ABHD17C: variants seen among roughly 807,000 people sequenced by gnomAD.
ABHD17C encodes alpha/beta hydrolase domain-containing protein 17C.
In ABHD17C, 11 loss-of-function variants were observed where a neutral mutation model predicts 27.9. The ratio of observed to expected loss-of-function variants is 0.39; its 90% CI spans 0.25 to 0.65. The LOEUF (loss-of-function observed/expected upper bound fraction) is 0.65, where lower values mean the gene tolerates loss of function less well. Ranked by LOEUF, ABHD17C falls within the 30% of genes least tolerant of loss-of-function variation. The probability of loss-of-function intolerance (pLI) is 0.45; values close to 1 mark genes in which losing one functional copy is unlikely to be tolerated. For missense variants in ABHD17C, 280 were observed against 470.2 expected (o/e 0.60, Z 3.74); for synonymous variants, 233 against 209.1 (o/e 1.11, Z -0.98).
At chr15:80,719,053 C>T (rs1596064560) in intron 1 of ABHD17C, among the ~76,000 whole-genome samples, 1 of 152,134 alleles carries the variant, frequency 6.6e-6, no homozygotes, top group Non-Finnish European at 1.5e-5. Context: ...TTAGGATATA[C>T]CAGCCTTCCA....
At chr15:80,715,215 G>A (rs1894787846) in intron 1 of ABHD17C, among the ~76,000 whole-genome samples, 1 of 152,216 alleles carries the variant, frequency 6.6e-6, no homozygotes, top group Non-Finnish European at 1.5e-5. Context: ...TGAAAGGAAG[G>A]AAAGAATTGC....
chr15:80,752,191 T>C (rs1895374470), intron 2 of ABHD17C, among the ~76,000 whole-genome samples: 1 of 152,216 alleles, frequency 6.6e-6, no homozygotes, highest in Admixed American at 6.5e-5. Flanking sequence ...ATCTTTTTAA[T>C]TGTGTATAAT....
At chr15:80,726,505 T>G (rs373468709) in intron 1 of ABHD17C, among the ~76,000 whole-genome samples, 4 of 47,156 alleles carry the variant, frequency 8.5e-5, no homozygotes, top group African/African-American at 1.8e-4. Context: ...TTTCTGGTTT[T>G]TTTTTTTTTT....
At chr15:80,734,215 G>A (rs1895095549) in intron 1 of ABHD17C, among the ~76,000 whole-genome samples, 1 of 152,002 alleles carries the variant, frequency 6.6e-6, no homozygotes, top group African/African-American at 2.4e-5. Flanking sequence ...GAACTCCTGG[G>A]CCCAAGCAAT....
chr15:80,741,072 G>T (rs1895202917), intron 1 of ABHD17C, among the ~76,000 whole-genome samples: 1 of 152,048 alleles, frequency 6.6e-6, no homozygotes, highest in Non-Finnish European at 1.5e-5. Context: ...TCCTTCATCT[G>T]CCATGACATC....
In ABHD17C at chr15:80,727,951, G is replaced by A. The variant is rs568262056; in HGVS notation, c.591-21562G>A. Among the ~76,000 whole-genome samples, 7 of 152,248 alleles carry A rather than the reference G, an allele frequency of 4.6e-5. No individual in the cohort carries two copies. The South Asian group carries it at 8.3e-4, about 18-fold the overall frequency. On this transcript the variant is annotated intron_variant, in intron 1 of 2. Transcript: ENST00000258884. ...GGGTGCAGCCGTCATTGGTGGCTCCGTGGAGACTTATGGCTCTGCACAGAG... is the reference window on the plus strand; with the variant it reads ...GGGTGCAGCCGTCATTGGTGGCTCCATGGAGACTTATGGCTCTGCACAGAG...
At chr15:80,727,176 C>G (rs532525916) in intron 1 of ABHD17C, among the ~76,000 whole-genome samples, 7 of 152,334 alleles carry the variant, frequency 4.6e-5, no homozygotes, top group African/African-American at 1.7e-4. Flanking sequence ...TTTCCGTGCC[C>G]TTGAACAGCT....
chr15:80,740,424 C>A (rs568632937), intron 1 of ABHD17C, among the ~76,000 whole-genome samples: 1 of 152,216 alleles, frequency 6.6e-6, no homozygotes, highest in South Asian at 2.1e-4. Flanking sequence ...GAGAATACAT[C>A]AACTGTCTGC....
chr15:80,701,556 A>G (rs1168214589), intron 1 of ABHD17C, among the ~76,000 whole-genome samples: 3 of 151,960 alleles, frequency 2.0e-5, no homozygotes, highest in Admixed American at 6.6e-5. Flanking sequence ...GCAGGCACCT[A>G]TAATCCCACC....
chr15:80,743,709 A>G (rs190178810), intron 1 of ABHD17C, among the ~76,000 whole-genome samples: 90 of 152,154 alleles, frequency 5.9e-4, no homozygotes, highest in Admixed American at 8.5e-4. Context: ...CAGCCTCCCT[A>G]GTAGCAGGGA....
chr15:80,745,986 G>A (rs936989110), intron 1 of ABHD17C, among the ~76,000 whole-genome samples: 1 of 152,148 alleles, frequency 6.6e-6, no homozygotes, highest in Non-Finnish European at 1.5e-5. Context: ...TCCTGGGTAT[G>A]TGCTAATAAA....
Position 80,749,784 on chromosome 15 carries a change from A to G in ABHD17C, c.770+92A>G, listed in dbSNP as rs541387877. The G allele has an allele frequency of 2.1e-6, 3 of 1,416,410 alleles. No homozygotes were observed. In the East Asian group the frequency reaches 7.2e-5, roughly 34 times the overall value. 87.7% of individuals were successfully genotyped at this position (1,416,410 alleles called of 1,614,324 possible). On this transcript the variant is annotated intron_variant, in intron 2 of 2. Coordinates refer to ENST00000258884, the MANE Select transcript of ABHD17C (RefSeq NM_021214.2). ...TAAATATCTGTGTAAATATTTATTG[A>G]ATGCAGCCATACGTCAGACCCTGTG...
Position 80,754,630 on chromosome 15 carries a change from G to A in ABHD17C, c.*260G>A. ...GAATGGGAATGAGAGCTGAATGTAG[G>A]GACAATTTTCTAGTGCTGTATAAAG... On this transcript the variant is annotated 3_prime_UTR_variant, in exon 3 of 3. Coordinates refer to ENST00000258884, the MANE Select transcript of ABHD17C (RefSeq NM_021214.2). The A allele has an allele frequency of 2.4e-6, 1 of 416,224 alleles. No individual in the cohort carries two copies. Among genetic ancestry groups the A allele is most frequent in the East Asian group, 4.3e-5 (1 of 23,312 alleles). 25.8% of individuals were successfully genotyped at this position (416,224 alleles called of 1,614,324 possible).
chr15:80,711,470 A>G (rs1894727835), intron 1 of ABHD17C, among the ~76,000 whole-genome samples: 1 of 152,190 alleles, frequency 6.6e-6, no homozygotes, highest in African/African-American at 2.4e-5. Flanking sequence ...GATTTCCCAT[A>G]GGAGGCTCTA....
intron 1 of ABHD17C, among the ~76,000 whole-genome samples, chr15:80,718,451 G>A (rs911812661): frequency 2.0e-4 from 30 of 152,024 alleles, no homozygotes; most frequent in African/African-American, 5.3e-4. Flanking sequence ...TCCTGCCTCC[G>A]CCTCTGGAGT....
chr15:80,714,741 A>C (rs1343584734), intron 1 of ABHD17C, among the ~76,000 whole-genome samples: 1 of 152,154 alleles, frequency 6.6e-6, no homozygotes, highest in African/African-American at 2.4e-5. Context: ...ACAAATCGGG[A>C]GCACCTGCTC....
At position 80,749,587 on chromosome 15, in the gene ABHD17C, C is replaced by T. The variant is rs2141523866; in HGVS notation, c.665C>T (p.Ser222Leu). Residue 222 changes from serine to leucine, a missense_variant, in exon 2 of 3, where the codon TCG (serine) becomes TTG (leucine). Transcript: ENST00000258884. ...ACTGTCCCCACGGTAGACTTGGCCT[C>T]GAGGTATGAATGCGCAGCGGTAATT... Reference protein sequence around the residue: ...IGTVPTVDLASRYECAAVILH... With the variant: ...IGTVPTVDLALRYECAAVILH... 6.2e-7 allele frequency: 1 copy of T among 1,613,906 alleles called. No homozygotes were observed. The highest frequency in any genetic ancestry group is 2.2e-5 in the East Asian group (1 of 44,872).
intron 2 of ABHD17C, among the ~76,000 whole-genome samples, chr15:80,753,500 G>C (rs1322680316): frequency 6.6e-6 from 1 of 152,174 alleles, no homozygotes; most frequent in Non-Finnish European, 1.5e-5. Flanking sequence ...TGGGTCAGGA[G>C]TATGTCAGGG....
intron 1 of ABHD17C, among the ~76,000 whole-genome samples, chr15:80,711,729 T>C (rs2141496079): frequency 6.6e-6 from 1 of 152,342 alleles, no homozygotes; most frequent in South Asian, 2.1e-4. Context: ...GACCAGTTTC[T>C]TGGGGACTTT....
Sources: gnomAD v4.1 joint callset for allele counts (sites outside exome capture counted in the v4.1 genomes callset) on GRCh38, gnomAD v4.1.1 for gene constraint, MANE v1.5 for transcripts, NCBI Gene and HGNC (gene_info 2026-07-23, HGNC 2026-07-21) for gene names.